DLG2: variants seen among roughly 807,000 people sequenced by gnomAD.
DLG2 encodes the protein discs large MAGUK scaffold protein 2.
DLG2 carries 45 observed loss-of-function variants against 132.5 expected under a neutral mutation model. The observed-to-expected ratio is 0.34, with a 90% CI of 0.27 to 0.44. The LOEUF is 0.44. Among genes scored for constraint, DLG2 ranks in the 20% least tolerant of loss-of-function variants. DLG2 has a pLI of 1.00. For synonymous variants in DLG2, 424 were observed against 419.6 expected (o/e 1.01, Z -0.13); for missense variants, 1,045 against 1,196.9 (o/e 0.87, Z 1.87).
intron 4 of DLG2, among the ~76,000 whole-genome samples, chr11:85,244,868 GAT>G (rs1555007082): frequency 2.0e-5 from 3 of 151,888 alleles, no homozygotes; most frequent in Non-Finnish European, 4.4e-5. Flanking sequence ...AGGTGATTCA[GAT>G]ATTGATCATG....
intron 4 of DLG2, among the ~76,000 whole-genome samples, chr11:85,187,949 G>T (rs1029909237): frequency 6.6e-6 from 1 of 152,096 alleles, no homozygotes; most frequent in Non-Finnish European, 1.5e-5. Context: ...GAAATGAGAC[G>T]GCCATAAAGG....
intron 7 of DLG2, among the ~76,000 whole-genome samples, chr11:84,396,167 A>G (rs2098810279): frequency 6.6e-6 from 1 of 152,206 alleles, no homozygotes; most frequent in South Asian, 2.1e-4. Context: ...AAATTTAAAA[A>G]AATCCTTTAC....
At chr11:84,787,731 C>G (rs534906350) in intron 6 of DLG2, among the ~76,000 whole-genome samples, 1 of 152,030 alleles carries the variant, frequency 6.6e-6, no homozygotes, top group Non-Finnish European at 1.5e-5. Context: ...CTTGAAGGCC[C>G]TCACCACTGG....
chr11:84,173,960 C>T (rs57208469), intron 8 of DLG2, among the ~76,000 whole-genome samples: 4,084 of 146,644 alleles, frequency 0.028, 181 homozygotes, highest in African/African-American at 0.098. Context: ...ATTTGCCAAG[C>T]TCTGTCCTTT....
intron 19 of DLG2, among the ~76,000 whole-genome samples, chr11:83,578,288 T>C (rs1437231392): frequency 6.6e-6 from 1 of 150,936 alleles, no homozygotes; most frequent in African/African-American, 2.4e-5. Flanking sequence ...AGCTAATAAA[T>C]CAACAAATGA....
Position 84,009,161 on chromosome 11 carries a change from G to T in DLG2, c.920-28519C>A, listed in dbSNP as rs1021264792. ...TTTCTTATATTTTACTTCATGTATA[G>T]GACTAATAGTATACCATTTTGGTCC... On this transcript the variant is annotated intron_variant, in intron 11 of 27. Coordinates refer to ENST00000376104, the MANE Select transcript of DLG2 (RefSeq NM_001142699.3). Among the ~76,000 whole-genome samples, 4 of 151,612 alleles carry T rather than the reference G, an allele frequency of 2.6e-5. No homozygotes were observed. In the East Asian group the frequency reaches 7.8e-4, roughly 29 times the overall value.
At chr11:83,621,147 G>C (rs1293271787) in intron 19 of DLG2, among the ~76,000 whole-genome samples, 5 of 152,076 alleles carry the variant, frequency 3.3e-5, no homozygotes, top group African/African-American at 1.2e-4. Context: ...TCTAGAAAAT[G>C]ATGGCAATAT....
chr11:84,462,890 G>C (rs1217918146), intron 7 of DLG2, among the ~76,000 whole-genome samples: 1 of 151,116 alleles, frequency 6.6e-6, no homozygotes, highest in Non-Finnish European at 1.5e-5. Context: ...ATCACACACT[G>C]ATCTTTTTGC....
At chr11:83,825,335 C>A (rs1250678174) in intron 17 of DLG2, among the ~76,000 whole-genome samples, 7 of 151,552 alleles carry the variant, frequency 4.6e-5, no homozygotes, top group African/African-American at 7.3e-5. Flanking sequence ...GCATGCACCA[C>A]CACGTCCGGC....
At chr11:85,197,548 C>T (rs2081162100) in intron 4 of DLG2, among the ~76,000 whole-genome samples, 1 of 152,088 alleles carries the variant, frequency 6.6e-6, no homozygotes, top group Admixed American at 6.6e-5. Context: ...AAAGCAATCA[C>T]CTTAATTTAT....
intron 10 of DLG2, among the ~76,000 whole-genome samples, chr11:84,088,948 C>T (rs1303077735): frequency 6.6e-6 from 1 of 152,126 alleles, no homozygotes; most frequent in African/African-American, 2.4e-5. Context: ...TAAATGTTTA[C>T]TTGGATTTGG....
intron 6 of DLG2, among the ~76,000 whole-genome samples, chr11:84,835,272 A>T (rs1187097742): frequency 2.0e-5 from 3 of 151,672 alleles, no homozygotes; most frequent in African/African-American, 7.3e-5. Context: ...CATGCAATAA[A>T]CATTTATAGG....
intron 6 of DLG2, among the ~76,000 whole-genome samples, chr11:84,645,514 C>G (rs1022896650): frequency 6.6e-6 from 1 of 152,176 alleles, no homozygotes; most frequent in Non-Finnish European, 1.5e-5. Context: ...GTCACCCAGG[C>G]CAGAGTGCAG....
chr11:85,613,642 G>A (rs1264424877), intron 2 of DLG2, among the ~76,000 whole-genome samples: 1 of 152,134 alleles, frequency 6.6e-6, no homozygotes, highest in Non-Finnish European at 1.5e-5. Flanking sequence ...ATCAGCACTT[G>A]GTAAAAACGG....
chr11:84,037,127 C>A (rs192505155), intron 11 of DLG2, among the ~76,000 whole-genome samples: 1 of 152,074 alleles, frequency 6.6e-6, no homozygotes, highest in Admixed American at 6.6e-5. Flanking sequence ...AGGTAATATA[C>A]CTAAAAGATT....
chr11:84,298,771 CAG>C (rs1340712902), intron 7 of DLG2, among the ~76,000 whole-genome samples: 3 of 151,412 alleles, frequency 2.0e-5, no homozygotes, highest in East Asian at 1.9e-4. Context: ...AGAGTCATTA[CAG>C]AGAGAGAGAG....
chr11:84,743,400 C>T (rs762720350), intron 6 of DLG2, among the ~76,000 whole-genome samples: 14 of 151,882 alleles, frequency 9.2e-5, no homozygotes, highest in Non-Finnish European at 1.5e-4. Context: ...TTTTTTTTTG[C>T]AATTAATTAT....
chr11:84,254,427 C>T (rs1002683100), intron 7 of DLG2, among the ~76,000 whole-genome samples: 1 of 152,086 alleles, frequency 6.6e-6, no homozygotes, highest in African/African-American at 2.4e-5. Flanking sequence ...TAGAATTCTC[C>T]ACAGCACTTG....
intron 3 of DLG2, among the ~76,000 whole-genome samples, chr11:85,350,794 C>T (rs537692921): frequency 3.3e-5 from 5 of 152,300 alleles, no homozygotes; most frequent in Admixed American, 2.0e-4. Flanking sequence ...CAGTACCATG[C>T]TATTTTCGTT....
Sources: gnomAD v4.1 joint callset for allele counts (sites outside exome capture counted in the v4.1 genomes callset) on GRCh38, gnomAD v4.1.1 for gene constraint, MANE v1.5 for transcripts, NCBI Gene and HGNC (gene_info 2026-07-23, HGNC 2026-07-21) for gene names.